CYP2C8: variants seen among roughly 807,000 people sequenced by gnomAD.
CYP2C8 encodes cytochrome P450 2C8.
A neutral mutation model predicts 41.3 loss-of-function variants in CYP2C8; 51 were observed. The ratio of observed to expected loss-of-function variants is 1.24; its 90% CI spans 0.99 to 1.56. The LOEUF is 1.56. Ranked by LOEUF, CYP2C8 falls within the 40% of genes most tolerant of loss-of-function variation. The pLI, the probability that CYP2C8 is intolerant of heterozygous loss-of-function variation, is 0.00. For missense variants in CYP2C8, 651 were observed against 579.9 expected (o/e 1.12, Z -1.26); for synonymous variants, 218 against 205.8 (o/e 1.06, Z -0.51).
chr10:95,051,794 AAACCTATGG>A (rs1285770639), intron 5 of CYP2C8, among the ~76,000 whole-genome samples: 1 of 152,130 alleles, frequency 6.6e-6, no homozygotes, highest in African/African-American at 2.4e-5. Context: ...CAGCATATCA[AAACCTATGG>A]GATTCAGCAA....
intron 3 of CYP2C8, 48 bp downstream of exon 3, chr10:95,067,160 G>A (rs754351169): frequency 6.2e-7 from 1 of 1,613,500 alleles, no homozygotes; most frequent in East Asian, 2.2e-5. Flanking sequence ...CGTCACTAGT[G>A]AAGACAGGTA....
chr10:95,058,552 A>T (rs915636207), intron 4 of CYP2C8, 41 bp from the exon 5 acceptor site: 45 of 1,522,460 alleles, frequency 3.0e-5, no homozygotes, highest in Non-Finnish European at 3.9e-5. Context: ...ATGTCATAAG[A>T]TATATGTATC....
intron 5 of CYP2C8, 35 bp from the exon 6 acceptor site, chr10:95,045,986 A>G (rs776357859): frequency 6.2e-7 from 1 of 1,611,286 alleles, no homozygotes; most frequent in East Asian, 2.2e-5. Flanking sequence ...CTGACAAATT[A>G]TGTGCCAGTA....
chr10:95,067,393 C>T lies in CYP2C8; in HGVS notation c.332-36G>A, dbSNP rs11572076. On this transcript the variant is annotated intron_variant, in intron 2 of 8. Coordinates refer to ENST00000371270, the MANE Select transcript of CYP2C8 (RefSeq NM_000770.3). ...AAGGGGCAGAAACTGGGAGAATTCA[C>T]AGCCAAGGAAGAAAGTGCTGCAACA... 0.011 allele frequency: 17,471 copies of T among 1,614,038 alleles called. 916 individuals are homozygous for T. The African/African-American group carries it at 0.15, about 14-fold the overall frequency.
chr10:95,045,261 C>T lies in CYP2C8; in HGVS notation c.961+549G>A, dbSNP rs11572159. ...AATAGCATTTTTATGAAACACACTCCTAGAATAATAAAATTCCTTTAGGTA... is the reference window on the plus strand; with the variant it reads ...AATAGCATTTTTATGAAACACACTCTTAGAATAATAAAATTCCTTTAGGTA... On this transcript the variant is annotated intron_variant, in intron 6 of 8. Coordinates refer to ENST00000371270, the MANE Select transcript of CYP2C8 (RefSeq NM_000770.3). 1.0e-2 allele frequency among the ~76,000 whole-genome samples: 1,518 copies of T among 152,246 alleles called. 25 individuals are homozygous for T. The highest frequency in any genetic ancestry group is 0.035 in the African/African-American group (1,433 of 41,532).
intron 8 of CYP2C8, among the ~76,000 whole-genome samples, chr10:95,037,547 A>G (rs1020434102): frequency 2.0e-5 from 3 of 152,242 alleles, no homozygotes; most frequent in African/African-American, 7.2e-5. Context: ...TAATCTCAAT[A>G]GGCACCCTTC....
intron 5 of CYP2C8, among the ~76,000 whole-genome samples, chr10:95,054,753 A>G (rs2033280295): frequency 6.6e-6 from 1 of 152,196 alleles, no homozygotes; most frequent in Non-Finnish European, 1.5e-5. Flanking sequence ...GTGTCTGTTT[A>G]TATCAGCAAT....
intron 4 of CYP2C8, among the ~76,000 whole-genome samples, chr10:95,062,598 T>C (rs958640033): frequency 1.3e-5 from 2 of 152,208 alleles, no homozygotes; most frequent in African/African-American, 4.8e-5. Context: ...TTATCCAGTT[T>C]CCCAGTCTGT....
At chr10:95,047,968 A>G (rs2033141146) in intron 5 of CYP2C8, among the ~76,000 whole-genome samples, 1 of 152,208 alleles carries the variant, frequency 6.6e-6, no homozygotes, top group Non-Finnish European at 1.5e-5. Context: ...GTGCTCATGA[A>G]GGCAAGGAAG....
Position 95,069,345 on chromosome 10 carries a change from AGAGT to A in CYP2C8, c.54_57del (p.Leu19GlyfsTer26), listed in dbSNP as rs1197565370. The A allele has an allele frequency of 1.2e-6, 2 of 1,614,144 alleles. No homozygotes were observed. Among genetic ancestry groups the A allele is most frequent in the Non-Finnish European group, 1.7e-6 (2 of 1,180,028 alleles). ...TTCCTTCTCCTACAGCTCTGTCTCC[AGAGT>A]GAAAAGAGAAGCATAAAAGAGAGAC... On this transcript the variant is annotated frameshift_variant, in exon 1 of 9. Transcript: ENST00000371270. LOFTEE classifies it high-confidence loss of function.
chr10:95,069,208 G>A (rs775566324), intron 1 of CYP2C8, 27 bp downstream of exon 1: 12 of 1,613,376 alleles, frequency 7.4e-6, no homozygotes, highest in Non-Finnish European at 1.0e-5. Flanking sequence ...CTTTGCAATT[G>A]GCTGGAGGAA....
At chr10:95,040,846 C>A (rs1379799901) in intron 7 of CYP2C8, 5 of 454,378 alleles carry the variant, frequency 1.1e-5, no homozygotes, top group Non-Finnish European at 2.2e-5. Context: ...AAGGATACAA[C>A]TAAGCAGTCA....
intron 4 of CYP2C8, among the ~76,000 whole-genome samples, chr10:95,062,813 A>C (rs1026025709): frequency 6.6e-6 from 1 of 151,848 alleles, no homozygotes; most frequent in African/African-American, 2.4e-5. Context: ...TTCCTTCAGG[A>C]GCTCTTTTAG....
At chr10:95,066,151 A>AGT (rs1156290511) in intron 3 of CYP2C8, among the ~76,000 whole-genome samples, 138 of 82,770 alleles carry the variant, frequency 1.7e-3, no homozygotes, top group East Asian at 3.8e-3. Context: ...AGAGAGAGAG[A>AGT]GAGTGTGTGT....
chr10:95,053,033 A>T (rs898421842), intron 5 of CYP2C8, among the ~76,000 whole-genome samples: 3 of 127,894 alleles, frequency 2.3e-5, no homozygotes, highest in African/African-American at 9.6e-5. Context: ...TCTTATATTT[A>T]AAAAAACATA....
chr10:95,066,611 C>T (rs531903297), intron 3 of CYP2C8, among the ~76,000 whole-genome samples: 13 of 151,984 alleles, frequency 8.6e-5, no homozygotes, highest in Non-Finnish European at 1.2e-4. Context: ...CTGTGTTTCC[C>T]GAGAAATAAG....
chr10:95,048,177 C>T, intron 5 of CYP2C8, among the ~76,000 whole-genome samples: 1 of 152,168 alleles, frequency 6.6e-6, no homozygotes, highest in Non-Finnish European at 1.5e-5. Context: ...CCAATAAGCT[C>T]CATTGCTCTC....
chr10:95,056,610 C>G lies in CYP2C8; in HGVS notation c.819+1725G>C, dbSNP rs147872173. 3.6e-3 allele frequency among the ~76,000 whole-genome samples: 545 copies of G among 152,222 alleles called. 1 individual carries two copies. Among genetic ancestry groups the G allele is most frequent in the African/African-American group, 0.013 (527 of 41,540 alleles). On this transcript the variant is annotated intron_variant, in intron 5 of 8. Coordinates refer to ENST00000371270, the MANE Select transcript of CYP2C8 (RefSeq NM_000770.3). ...CTATCACATGCTAAATCTTAGTTGA[C>G]CCTCCATATCATTATGCTAAGTGAA...
chr10:95,049,970 C>G (rs2033185648), intron 5 of CYP2C8, among the ~76,000 whole-genome samples: 1 of 151,352 alleles, frequency 6.6e-6, no homozygotes, highest in African/African-American at 2.4e-5. Context: ...ACATTCCCAG[C>G]TAGCTGGCTA....
Sources: gnomAD v4.1 joint callset for allele counts (sites outside exome capture counted in the v4.1 genomes callset) on GRCh38, gnomAD v4.1.1 for gene constraint, MANE v1.5 for transcripts, NCBI Gene and HGNC (gene_info 2026-07-23, HGNC 2026-07-21) for gene names.